RIBC2: variants seen among roughly 807,000 people sequenced by gnomAD.
RIBC2 encodes the protein RIB43A-like with coiled-coils protein 2.
Under a neutral mutation model 44.3 loss-of-function variants are expected in RIBC2, and 40 were observed. That is an observed-to-expected ratio of 0.90 (90% confidence interval 0.70 to 1.18). RIBC2 has a LOEUF of 1.18. RIBC2 is among the 50% of genes most tolerant of loss of function. The pLI, the probability that RIBC2 is intolerant of heterozygous loss-of-function variation, is 0.00. For synonymous variants in RIBC2, 171 were observed against 175.0 expected, an observed-to-expected ratio of 0.98 and a Z score of 0.18; for missense variants, 459 against 485.5, an observed-to-expected ratio of 0.95 and a Z score of 0.51.
Position 45,430,984 on chromosome 22 carries a change from C to A in RIBC2, c.988C>A (p.Arg330=). ...GGCTCGCGCCACCCTGCTGTTTGAG[C>A]GGCAGCAGTGGCGGCGGCAGCGCGA... is the stretch of plus-strand genomic sequence containing the variant. ...QGARATLLFE[R]QQWRRQRDLR... The change falls in exon 6 of 7, where the codon CGG becomes AGG. Residue 330 remains arginine (R), a synonymous_variant. Coordinates refer to ENST00000614167, the MANE Select transcript of RIBC2 (RefSeq NM_015653.5). 6.2e-7 allele frequency: 1 copy of A among 1,605,912 alleles called. No individual in the cohort carries two copies. Among genetic ancestry groups the A allele is most frequent in the Non-Finnish European group, 8.5e-7 (1 of 1,176,612 alleles).
intron 5 of RIBC2, among the ~76,000 whole-genome samples, chr22:45,429,130 A>T (rs556506075): frequency 3.2e-4 from 48 of 152,250 alleles, no homozygotes; most frequent in African/African-American, 1.0e-3. Flanking sequence ...TGTTATTGGT[A>T]ATGACAACGG....
chr22:45,415,425 T>G (rs780167241), intron 2 of RIBC2, among the ~76,000 whole-genome samples: 26 of 152,102 alleles, frequency 1.7e-4, no homozygotes, highest in Non-Finnish European at 2.6e-4. Context: ...TATACTGTTC[T>G]GTATGTTCTA....
chr22:45,422,195 C>CT (rs2087492080), intron 3 of RIBC2, 95 bp from the exon 4 acceptor site: 1 of 812,618 alleles, frequency 1.2e-6, no homozygotes, highest in African/African-American at 1.7e-5. Flanking sequence ...ATGCTCATGG[C>CT]TAAGGACGTG....
intron 3 of RIBC2, among the ~76,000 whole-genome samples, chr22:45,419,318 C>T (rs2087455587): frequency 6.6e-6 from 1 of 151,962 alleles, no homozygotes; most frequent in Non-Finnish European, 1.5e-5. Context: ...TACCCACATC[C>T]GTGACAGCTC....
In RIBC2 at chr22:45,413,734, G is replaced by A. The variant is rs572609597; in HGVS notation, c.-153G>A. ...AGAGAGCGGGAGCGTCTGTACCTCT[G>A]CGGCGTCACTGGGAGCCCGACGGAA... On this transcript the variant is annotated 5_prime_UTR_variant, in exon 1 of 7. Transcript: ENST00000614167. The A allele has an allele frequency of 7.2e-5, 87 of 1,203,028 alleles. No homozygotes were observed. The African/African-American group carries it at 1.2e-3, about 16-fold the overall frequency. 74.5% of individuals were successfully genotyped at this position (1,203,028 alleles called of 1,614,324 possible).
At chr22:45,422,099 A>G (rs1423769488) in intron 3 of RIBC2, among the ~76,000 whole-genome samples, 191 bp from the exon 4 acceptor site, 1 of 152,272 alleles carries the variant, frequency 6.6e-6, no homozygotes, top group Middle Eastern at 3.4e-3. Flanking sequence ...GGACCCCAGC[A>G]TAGTAGTGAT....
chr22:45,428,167 T>C (rs1469646211), intron 5 of RIBC2, among the ~76,000 whole-genome samples: 3 of 152,160 alleles, frequency 2.0e-5, no homozygotes, highest in Non-Finnish European at 4.4e-5. Flanking sequence ...AAACGCTGGA[T>C]CCAGCACCAT....
At chr22:45,422,231 A>G (rs949082191) in intron 3 of RIBC2, 59 bp from the exon 4 acceptor site, 1 of 1,240,940 alleles carries the variant, frequency 8.1e-7, no homozygotes, top group Non-Finnish European at 1.2e-6. Flanking sequence ...ACGAACGGCC[A>G]CACGTGGGAA....
chr22:45,428,519 T>C (rs535064555), intron 5 of RIBC2, among the ~76,000 whole-genome samples: 3 of 152,082 alleles, frequency 2.0e-5, no homozygotes, highest in Non-Finnish European at 4.4e-5. Flanking sequence ...GAGTGCTAGT[T>C]GAGGGCTTGG....
At chr22:45,430,871 T>G (rs1602123194) in intron 5 of RIBC2, 29 bp from the exon 6 acceptor site, 3 of 1,520,700 alleles carry the variant, frequency 2.0e-6, no homozygotes, top group African/African-American at 2.8e-5. Context: ...TGGGGAAAGG[T>G]GGTGGTGAGC....
Position 45,432,443 on chromosome 22 carries a change from A to G in RIBC2, c.*81A>G, listed in dbSNP as rs1602124759. The stretch of plus-strand genomic sequence containing the variant: ...AGTCACGTTTCTTTTTTAAAGATAC[A>G]CTCCTTGGGCCACAAGTACCCTTCA... On this transcript the variant is annotated 3_prime_UTR_variant, in exon 7 of 7. Coordinates refer to ENST00000614167, the MANE Select transcript of RIBC2 (RefSeq NM_015653.5). 8 of 900,322 alleles carry G rather than the reference A, an allele frequency of 8.9e-6. No homozygotes were observed. The Admixed American group carries it at 1.1e-4, about 12-fold the overall frequency. 55.8% of individuals were successfully genotyped at this position (900,322 alleles called of 1,614,324 possible). A position where few individuals can be genotyped will look rare whatever the true frequency, so the allele number is the denominator to read the frequency against.
At chr22:45,421,084 T>A (rs2087472574) in intron 3 of RIBC2, among the ~76,000 whole-genome samples, 1 of 151,872 alleles carries the variant, frequency 6.6e-6, no homozygotes. Context: ...AATCACGAGG[T>A]TAGGAGTTCA....
rs566488968 is a variant in RIBC2 at position 45,426,264 on chromosome 22, C to A, written c.903+89C>A. The A allele has an allele frequency of 6.2e-5, 75 of 1,202,464 alleles. No homozygotes were observed. The African/African-American group carries it at 1.1e-3, about 17-fold the overall frequency. 74.5% of individuals were successfully genotyped at this position (1,202,464 alleles called of 1,614,324 possible). On this transcript the variant is annotated intron_variant, in intron 5 of 6. Coordinates refer to ENST00000614167, the MANE Select transcript of RIBC2 (RefSeq NM_015653.5). ...AGGCACAAATGTAGTTGTAGCAGGC[C>A]TTGTGCTCTGCCCTAGCACCTGCCC...
chr22:45,417,513 TA>T (rs2087436216), intron 2 of RIBC2, 88 bp from the exon 3 acceptor site: 24 of 1,113,572 alleles, frequency 2.2e-5, no homozygotes, highest in Non-Finnish European at 2.8e-5. Flanking sequence ...GCCCTATCTC[TA>T]AAAAAGTAAA....
At chr22:45,422,480 C>A in intron 4 of RIBC2, 72 bp downstream of exon 4, 1 of 1,090,140 alleles carries the variant, frequency 9.2e-7, no homozygotes, top group Non-Finnish European at 1.4e-6. Context: ...TCCCAAGGCT[C>A]TCCGGCTTCC....
chr22:45,413,736 G>T lies in RIBC2; in HGVS notation c.-151G>T. 4 of 1,201,398 alleles carry T rather than the reference G, an allele frequency of 3.3e-6. No individual in the cohort carries two copies. The highest frequency in any genetic ancestry group is 3.1e-5 in the South Asian group (2 of 64,982). 74.4% of individuals were successfully genotyped at this position (1,201,398 alleles called of 1,614,324 possible). ...AGAGCGGGAGCGTCTGTACCTCTGC[G>T]GCGTCACTGGGAGCCCGACGGAAAA... On this transcript the variant is annotated 5_prime_UTR_variant, in exon 1 of 7. Coordinates refer to ENST00000614167, the MANE Select transcript of RIBC2 (RefSeq NM_015653.5).
chr22:45,419,487 A>G (rs1051534522), intron 3 of RIBC2, among the ~76,000 whole-genome samples: 2 of 152,136 alleles, frequency 1.3e-5, no homozygotes, highest in Non-Finnish European at 2.9e-5. Context: ...TAATCTCGGC[A>G]TTTTGGGAGG....
At chr22:45,420,575 C>T (rs117236281) in intron 3 of RIBC2, among the ~76,000 whole-genome samples, 4 of 152,166 alleles carry the variant, frequency 2.6e-5, no homozygotes, top group Non-Finnish European at 5.9e-5. Flanking sequence ...CACAACATGT[C>T]GGAAAGCAGC....
At chr22:45,414,114 G>A (rs1324338670) in intron 1 of RIBC2, 99 bp downstream of exon 1, 1 of 1,499,604 alleles carries the variant, frequency 6.7e-7, no homozygotes, top group East Asian at 2.5e-5. Context: ...AAACATCTGA[G>A]CCAGGAGGCA....
Sources: allele counts gnomAD v4.1 joint callset (sites outside exome capture counted in the v4.1 genomes callset), GRCh38; gene constraint gnomAD v4.1.1; transcripts MANE v1.5; gene names NCBI Gene and HGNC (gene_info 2026-07-23, HGNC 2026-07-21).